The following WAPL variants were observed in gnomAD, a reference collection of about 807,000 sequenced individuals.
The protein encoded by WAPL is wings apart-like protein homolog.
A neutral mutation model predicts 121.0 loss-of-function variants in WAPL; 5 were observed. The observed-to-expected ratio is 0.04, with a 90% CI of 0.02 to 0.09. The LOEUF (loss-of-function observed/expected upper bound fraction) is 0.09. Ranked by LOEUF, WAPL falls within the 10% of genes least tolerant of loss-of-function variation. The pLI is 1.00. For synonymous variants in WAPL, 480 were observed against 481.5 expected (o/e 1.00, Z 0.04); for missense variants, 999 against 1,410.8 (o/e 0.71, Z 4.68).
At chr10:86,451,110 T>TA (rs1840967484) in intron 15 of WAPL, among the ~76,000 whole-genome samples, 1 of 152,008 alleles carries the variant, frequency 6.6e-6, no homozygotes, top group African/African-American at 2.4e-5. Flanking sequence ...TCTTGACTTT[T>TA]TTTTTTTTTT....
intron 4 of WAPL, among the ~76,000 whole-genome samples, chr10:86,486,919 G>GCACTCCAGCCTGAGCA (rs1413022193): frequency 6.6e-6 from 1 of 152,076 alleles, no homozygotes; most frequent in African/African-American, 2.4e-5. Flanking sequence ...TCACACCATT[G>GCACTCCAGCCTGAGCA]CACTCCAGCC....
intron 2 of WAPL, among the ~76,000 whole-genome samples, chr10:86,509,230 A>G (rs970013605): frequency 6.6e-6 from 1 of 152,160 alleles, no homozygotes; most frequent in Non-Finnish European, 1.5e-5. Flanking sequence ...TCTTACAAAC[A>G]TCTCAAACCC....
At chr10:86,449,120 G>C (rs1840906163) in intron 15 of WAPL, among the ~76,000 whole-genome samples, 1 of 152,164 alleles carries the variant, frequency 6.6e-6, no homozygotes, top group Non-Finnish European at 1.5e-5. Context: ...GAAAAGAACA[G>C]CTAGAAAGAG....
At chr10:86,498,351 C>A (rs1383717251) in intron 3 of WAPL, among the ~76,000 whole-genome samples, 1 of 152,190 alleles carries the variant, frequency 6.6e-6, no homozygotes, top group African/African-American at 2.4e-5. Flanking sequence ...CTGCAAATTT[C>A]CAGTCTCCAG....
At chr10:86,454,038 A>C (rs752015903) in intron 12 of WAPL, among the ~76,000 whole-genome samples, 2 of 152,226 alleles carry the variant, frequency 1.3e-5, no homozygotes, top group Non-Finnish European at 2.9e-5. Context: ...TACCACTAGT[A>C]ATCTCTTTAT....
intron 4 of WAPL, among the ~76,000 whole-genome samples, chr10:86,485,473 A>AT (rs1380134334): frequency 6.6e-6 from 1 of 152,050 alleles, no homozygotes; most frequent in Non-Finnish European, 1.5e-5. Flanking sequence ...AGAGACAGAG[A>AT]TTGCAGTGAG....
At chr10:86,460,278 T>C in intron 11 of WAPL, 121 bp downstream of exon 11, 2 of 747,830 alleles carry the variant, frequency 2.7e-6, no homozygotes, top group Non-Finnish European at 4.4e-6. Flanking sequence ...TACTGCTATT[T>C]CTATCTGGAT....
intron 2 of WAPL, among the ~76,000 whole-genome samples, chr10:86,505,255 C>T (rs1320045859): frequency 6.8e-6 from 1 of 147,252 alleles, no homozygotes; most frequent in Non-Finnish European, 1.5e-5. Flanking sequence ...CCATCTCAGC[C>T]TCCCAAAGTA....
intron 4 of WAPL, among the ~76,000 whole-genome samples, chr10:86,476,514 C>T (rs951304281): frequency 1.3e-5 from 2 of 151,946 alleles, no homozygotes; most frequent in South Asian, 4.2e-4. Context: ...CAGGATGAAA[C>T]CCCGTCTCTA....
At position 86,446,443 on chromosome 10, in the gene WAPL, G is replaced by C; in HGVS notation, c.3121C>G (p.Leu1041Val). 3 of 1,613,238 alleles carry C rather than the reference G, an allele frequency of 1.9e-6. No individual in the cohort carries two copies. Among genetic ancestry groups the C allele is most frequent in the Non-Finnish European group, 2.5e-6 (3 of 1,179,774 alleles). ...AGCTGGGCTGCCCGCTCTCGCTCAAGGAATAGCTGATAAAAATTATTTTTG... is the reference window on the plus strand; with the variant it reads ...AGCTGGGCTGCCCGCTCTCGCTCAACGAATAGCTGATAAAAATTATTTTTG... ...HAVQALVQLF[L>V]ERERAAQLAE... The change falls in exon 16 of 19, where the codon CTT (leucine) becomes GTT (valine). Residue 1041 changes from leucine (L) to valine (V), a missense_variant. Physicochemically the swap from Leu to Val is conservative, Grantham distance 32. Coordinates refer to ENST00000298767, the MANE Select transcript of WAPL (RefSeq NM_015045.5).
chr10:86,460,619 AT>A, intron 10 of WAPL, 123 bp from the exon 11 acceptor site: 1 of 677,886 alleles, frequency 1.5e-6, no homozygotes, highest in South Asian at 2.1e-5. Flanking sequence ...CTCTCTGAAC[AT>A]TTTTTATTCT....
At chr10:86,519,608 T>C (rs916694654) in intron 1 of WAPL, among the ~76,000 whole-genome samples, 20 of 152,246 alleles carry the variant, frequency 1.3e-4, no homozygotes, top group Admixed American at 1.1e-3. Context: ...ATGTATTTCA[T>C]CTTCCACTGC....
chr10:86,514,484 C>T (rs1842519714), intron 2 of WAPL, among the ~76,000 whole-genome samples: 1 of 152,020 alleles, frequency 6.6e-6, no homozygotes, highest in African/African-American at 2.4e-5. Flanking sequence ...ACTAAGAGAC[C>T]CTTTGTGAAG....
intron 17 of WAPL, among the ~76,000 whole-genome samples, chr10:86,440,163 T>A (rs1008234680): frequency 1.3e-5 from 2 of 152,092 alleles, no homozygotes; most frequent in African/African-American, 2.4e-5. Context: ...CCAAGATAAA[T>A]CATATGTGGT....
intron 1 of WAPL, among the ~76,000 whole-genome samples, chr10:86,520,622 G>A (rs1004197514): frequency 3.3e-5 from 5 of 151,918 alleles, no homozygotes; most frequent in Non-Finnish European, 1.5e-5. Flanking sequence ...AGTGTTTCAA[G>A]TACACAATCT....
chr10:86,511,563 C>A (rs1488039017), intron 2 of WAPL, among the ~76,000 whole-genome samples: 1 of 152,174 alleles, frequency 6.6e-6, no homozygotes. Context: ...CTGTGCCTTA[C>A]CCTCAATATA....
chr10:86,454,910 C>T (rs1356793106), intron 12 of WAPL, among the ~76,000 whole-genome samples: 2 of 147,230 alleles, frequency 1.4e-5, no homozygotes, highest in African/African-American at 2.5e-5. Flanking sequence ...AGGTGAGGAG[C>T]GTCTCTGCCC....
chr10:86,520,903 A>G (rs892477462), intron 1 of WAPL, among the ~76,000 whole-genome samples: 3 of 152,148 alleles, frequency 2.0e-5, no homozygotes. Flanking sequence ...CTGACTAACC[A>G]GAAATCCTCA....
chr10:86,461,938 AGACT>A (rs747020686), intron 9 of WAPL, among the ~76,000 whole-genome samples: 4 of 152,138 alleles, frequency 2.6e-5, no homozygotes, highest in Non-Finnish European at 5.9e-5. Context: ...TTAGTGTTGC[AGACT>A]GACTAGTTTT....
Sources: allele counts gnomAD v4.1 joint callset (sites outside exome capture counted in the v4.1 genomes callset), GRCh38; gene constraint gnomAD v4.1.1; transcripts MANE v1.5; gene names NCBI Gene and HGNC (gene_info 2026-07-23, HGNC 2026-07-21).